The following NAALADL2 variants were observed in gnomAD, a reference collection of about 807,000 sequenced individuals.
NAALADL2 encodes the protein inactive N-acetylated-alpha-linked acidic dipeptidase-like protein 2.
Under a neutral mutation model 87.2 loss-of-function variants are expected in NAALADL2, and 76 were observed. That is an observed-to-expected ratio of 0.87 (90% confidence interval 0.72 to 1.05). NAALADL2 has a LOEUF of 1.05. Among genes scored for constraint, NAALADL2 ranks in the 50% least tolerant of loss-of-function variants. The pLI is 0.00. For synonymous variants in NAALADL2, 354 were observed against 331.0 expected, an observed-to-expected ratio of 1.07 and a Z score of -0.75; for missense variants, 1,089 against 945.8, an observed-to-expected ratio of 1.15 and a Z score of -1.99.
At chr3:174,662,255 C>A (rs1725573461) in intron 2 of NAALADL2, among the ~76,000 whole-genome samples, 1 of 152,108 alleles carries the variant, frequency 6.6e-6, no homozygotes, top group Non-Finnish European at 1.5e-5. Flanking sequence ...AGTACTTTTA[C>A]TGAACTCTTT....
At chr3:175,590,037 C>T (rs9853358) in intron 10 of NAALADL2, among the ~76,000 whole-genome samples, 118,483 of 151,134 alleles carry the variant, frequency 0.78, 46,554 homozygotes, top group East Asian at 0.88. Context: ...ACGGTGAAGC[C>T]CCATCTCTCC....
chr3:175,600,991 T>C (rs1055149199), intron 10 of NAALADL2, among the ~76,000 whole-genome samples: 8 of 152,174 alleles, frequency 5.3e-5, no homozygotes, highest in Non-Finnish European at 2.9e-5. Flanking sequence ...CTGTCAACCA[T>C]TGCCTAATTT....
intron 3 of NAALADL2, among the ~76,000 whole-genome samples, chr3:174,838,036 AG>A (rs1248446952): frequency 4.4e-5 from 5 of 113,676 alleles, no homozygotes; most frequent in African/African-American, 7.6e-5. Context: ...AAAAAAAAAA[AG>A]AAAAAAAAAA....
chr3:175,654,395 C>A (rs1731176463), intron 11 of NAALADL2, among the ~76,000 whole-genome samples: 1 of 152,160 alleles, frequency 6.6e-6, no homozygotes, highest in Non-Finnish European at 1.5e-5. Flanking sequence ...GTTATCCTGA[C>A]ATATTTTAAG....
At chr3:175,007,877 T>C (rs552927081) in intron 1 of NAALADL2, among the ~76,000 whole-genome samples, 1 of 152,142 alleles carries the variant, frequency 6.6e-6, no homozygotes. Context: ...TTTGGGTCCA[T>C]TGTTAAATAA....
intron 3 of NAALADL2, among the ~76,000 whole-genome samples, chr3:174,827,757 G>A (rs1251200804): frequency 1.3e-5 from 2 of 152,150 alleles, no homozygotes; most frequent in African/African-American, 4.8e-5. Flanking sequence ...TAGATTTACT[G>A]GAGATTAAGC....
chr3:174,539,977 GAAAAAAAAAAAAAA>G (rs57394560), intron 1 of NAALADL2, among the ~76,000 whole-genome samples: 3 of 51,204 alleles, frequency 5.9e-5, no homozygotes, highest in African/African-American at 1.9e-4. Flanking sequence ...GGAAGTTCTG[GAAAAAAAAAAAAAA>G]AAAAAAAAAA....
chr3:174,945,291 T>A (rs1739244318), intron 1 of NAALADL2, among the ~76,000 whole-genome samples: 1 of 152,176 alleles, frequency 6.6e-6, no homozygotes, highest in South Asian at 2.1e-4. Flanking sequence ...ACTTGACAGA[T>A]AAAGAAACTG....
chr3:175,452,520 G>A (rs1721732663), intron 6 of NAALADL2, among the ~76,000 whole-genome samples: 1 of 152,074 alleles, frequency 6.6e-6, no homozygotes, highest in Non-Finnish European at 1.5e-5. Context: ...CAAAAGAAAT[G>A]GGGAAAATTT....
chr3:174,499,555 A>T (rs575017517), intron 1 of NAALADL2, among the ~76,000 whole-genome samples: 1 of 152,130 alleles, frequency 6.6e-6, no homozygotes, highest in South Asian at 2.1e-4. Flanking sequence ...AAAGTTTTAC[A>T]GTTTTAAGTT....
chr3:175,625,229 C>T (rs150891452), intron 10 of NAALADL2, among the ~76,000 whole-genome samples: 2,092 of 152,098 alleles, frequency 0.014, 50 homozygotes, highest in Admixed American at 0.044. Flanking sequence ...TCTATTTAAA[C>T]TCCACATAAC....
At chr3:174,639,731 C>T (rs1449618839) in intron 2 of NAALADL2, among the ~76,000 whole-genome samples, 1 of 152,092 alleles carries the variant, frequency 6.6e-6, no homozygotes, top group Non-Finnish European at 1.5e-5. Context: ...AAAGTCTGTA[C>T]CTTCTTGCAT....
intron 2 of NAALADL2, among the ~76,000 whole-genome samples, chr3:175,177,179 A>T (rs1028884491): frequency 2.0e-5 from 3 of 152,034 alleles, no homozygotes; most frequent in African/African-American, 7.2e-5. Flanking sequence ...TCTTGTGTCT[A>T]ATTTTCCCTA....
intron 2 of NAALADL2, among the ~76,000 whole-genome samples, chr3:175,213,968 G>A (rs1742133322): frequency 6.6e-6 from 1 of 152,086 alleles, no homozygotes; most frequent in Non-Finnish European, 1.5e-5. Context: ...CCAAAATGCA[G>A]TACTCCATAA....
At chr3:174,654,865 A>G (rs1430921135) in intron 2 of NAALADL2, among the ~76,000 whole-genome samples, 1 of 151,948 alleles carries the variant, frequency 6.6e-6, no homozygotes, top group Non-Finnish European at 1.5e-5. Flanking sequence ...CCTCCTGAGT[A>G]TCTGGGACTA....
chr3:175,582,425 A>G (rs1482387134), intron 10 of NAALADL2, among the ~76,000 whole-genome samples: 1 of 152,206 alleles, frequency 6.6e-6, no homozygotes, highest in Non-Finnish European at 1.5e-5. Context: ...CATACGCACT[A>G]TATTTTAATT....
In NAALADL2 at chr3:175,241,855, A is replaced by ATTTTTTTTTTTTTTTT. The variant is rs779567135; in HGVS notation, c.819+7658_819+7673dup. On this transcript the variant is annotated intron_variant, in intron 3 of 13. Coordinates refer to ENST00000454872, the MANE Select transcript of NAALADL2 (RefSeq NM_207015.3). ...TAGTGAGAAAGTATCTGGATGCTGAATTTTTTTTTTTTTTTTTTTTTTCTT... is the reference window on the plus strand; with the variant it reads ...TAGTGAGAAAGTATCTGGATGCTGAATTTTTTTTTTTTTTTTTTTTTTTTTTTTTTTTTTTTTTCTT... Among the ~76,000 whole-genome samples, 47 of 83,816 alleles carry ATTTTTTTTTTTTTTTT rather than the reference A, an allele frequency of 5.6e-4. 6 individuals are homozygous for ATTTTTTTTTTTTTTTT. The highest frequency in any genetic ancestry group is 1.3e-3 in the African/African-American group (27 of 21,546). The allele number at this position is 83,816 out of a possible 152,430, so 55.0% of individuals were successfully genotyped here.
chr3:175,671,072 T>C (rs1342320428), intron 11 of NAALADL2, among the ~76,000 whole-genome samples: 1 of 151,904 alleles, frequency 6.6e-6, no homozygotes, highest in East Asian at 1.9e-4. Context: ...GTTTTAAATG[T>C]GTCTCTCAAA....
intron 2 of NAALADL2, among the ~76,000 whole-genome samples, chr3:174,606,570 G>T (rs918893000): frequency 5.9e-5 from 9 of 152,168 alleles, no homozygotes; most frequent in Admixed American, 1.3e-4. Flanking sequence ...AAGGGTATCA[G>T]CAATGGAAGA....
Sources: gnomAD v4.1 joint callset for allele counts (sites outside exome capture counted in the v4.1 genomes callset) on GRCh38, gnomAD v4.1.1 for gene constraint, MANE v1.5 for transcripts, NCBI Gene and HGNC (gene_info 2026-07-23, HGNC 2026-07-21) for gene names.